Variants in RBFOX1 observed in about 807,000 individuals in gnomAD.
RBFOX1 encodes RNA binding protein fox-1 homolog 1.
RBFOX1 carries 8 observed loss-of-function variants against 57.7 expected under a neutral mutation model. The observed-to-expected ratio is 0.14, with a 90% confidence interval of 0.08 to 0.25. RBFOX1 has a LOEUF of 0.25. Among genes scored for constraint, RBFOX1 ranks in the 10% least tolerant of loss-of-function variants. The pLI, the probability that RBFOX1 is intolerant of heterozygous loss-of-function variation, is 1.00. For missense variants in RBFOX1, 611 were observed against 548.5 expected, an observed-to-expected ratio of 1.11 and a Z score of -1.14; for synonymous variants, 326 against 222.4, an observed-to-expected ratio of 1.47 and a Z score of -4.15.
chr16:6,132,006 C>G (rs2096633382), intron 1 of RBFOX1, among the ~76,000 whole-genome samples: 1 of 152,150 alleles, frequency 6.6e-6, no homozygotes, highest in South Asian at 2.1e-4. Context: ...CTTTAATTAG[C>G]TTTTAGGAGC....
At chr16:5,814,657 G>A (rs899647919) in intron 3 of RBFOX1, among the ~76,000 whole-genome samples, 3 of 152,188 alleles carry the variant, frequency 2.0e-5, no homozygotes, top group Non-Finnish European at 4.4e-5. Flanking sequence ...GGCCGGGCGC[G>A]GTGGCTCACG....
chr16:5,499,470 A>G (rs1251705936), intron 2 of RBFOX1, among the ~76,000 whole-genome samples: 2 of 152,186 alleles, frequency 1.3e-5, no homozygotes, highest in East Asian at 1.9e-4. Flanking sequence ...CACTTGAGAG[A>G]TGGACAAACA....
upstream of RBFOX1, among the ~76,000 whole-genome samples, chr16:6,018,857 T>A (rs146104236): frequency 6.6e-6 from 1 of 151,914 alleles, no homozygotes; most frequent in Non-Finnish European, 1.5e-5. Context: ...CCTGGGCTCA[T>A]TGCCCCAGCA....
chr16:7,218,814 A>G (rs573135330), intron 4 of RBFOX1, among the ~76,000 whole-genome samples: 14 of 152,098 alleles, frequency 9.2e-5, no homozygotes, highest in Non-Finnish European at 1.6e-4. Context: ...GAACCTGTCT[A>G]GAAGTATCAG....
intron 2 of RBFOX1, among the ~76,000 whole-genome samples, chr16:5,594,369 A>T (rs970088859): frequency 4.6e-5 from 7 of 152,220 alleles, no homozygotes; most frequent in Non-Finnish European, 1.0e-4. Flanking sequence ...GGTCTCAGTT[A>T]ATTTAGAAAG....
Position 6,595,584 on chromosome 16 carries a change from A to G in RBFOX1, c.-63-59019A>G, listed in dbSNP as rs76844460. The stretch of plus-strand genomic sequence containing the variant: ...CTCTTGGATATATACCTACAAGTGG[A>G]ATTTCTGGGTCATATGGACTCTATT... On this transcript the variant is annotated intron_variant, in intron 2 of 15. Transcript: ENST00000550418. Among the ~76,000 whole-genome samples, 32 of 152,244 alleles carry G rather than the reference A, an allele frequency of 2.1e-4. No homozygotes were observed. The East Asian group carries it at 6.2e-3, about 29-fold the overall frequency.
intron 4 of RBFOX1, among the ~76,000 whole-genome samples, chr16:7,061,354 G>T (rs1330894869): frequency 6.6e-6 from 1 of 152,122 alleles, no homozygotes; most frequent in African/African-American, 2.4e-5. Flanking sequence ...ATTGATGAAC[G>T]CAAGGAAATC....
chr16:7,263,021 C>G (rs1259023129), intron 4 of RBFOX1, among the ~76,000 whole-genome samples: 1 of 152,184 alleles, frequency 6.6e-6, no homozygotes, highest in Non-Finnish European at 1.5e-5. Flanking sequence ...CAGACTTCTG[C>G]AGCCTCTGCA....
At chr16:5,545,030 G>C (rs895032908) in intron 2 of RBFOX1, among the ~76,000 whole-genome samples, 1 of 129,516 alleles carries the variant, frequency 7.7e-6, no homozygotes, top group African/African-American at 3.0e-5. Context: ...AGGCTGGAGT[G>C]TAGTGGAGCA....
chr16:6,605,019 T>G (rs1399070876), intron 2 of RBFOX1, among the ~76,000 whole-genome samples: 1 of 151,970 alleles, frequency 6.6e-6, no homozygotes, highest in Non-Finnish European at 1.5e-5. Context: ...GTATTTATAG[T>G]GTGTGCATAT....
intron 3 of RBFOX1, among the ~76,000 whole-genome samples, chr16:5,827,610 C>T (rs138832935): frequency 1.3e-5 from 2 of 152,228 alleles, no homozygotes; most frequent in East Asian, 3.9e-4. Context: ...CTCAACTCTA[C>T]TGCAGTGTGA....
At chr16:5,756,294 G>A (rs891246680) in intron 3 of RBFOX1, among the ~76,000 whole-genome samples, 1 of 151,360 alleles carries the variant, frequency 6.6e-6, no homozygotes, top group Admixed American at 6.6e-5. Context: ...AATGCCGTGG[G>A]GTTGTAGTGT....
intron 4 of RBFOX1, among the ~76,000 whole-genome samples, chr16:7,239,253 A>G (rs1033808300): frequency 4.6e-5 from 7 of 152,110 alleles, no homozygotes; most frequent in East Asian, 1.9e-4. Flanking sequence ...AATCCCAGCA[A>G]TTTAGGAGGC....
chr16:6,794,374 A>C (rs1413872721), intron 3 of RBFOX1, among the ~76,000 whole-genome samples: 1 of 150,202 alleles, frequency 6.7e-6, no homozygotes, highest in Non-Finnish European at 1.5e-5. Flanking sequence ...GCTTTCCTTA[A>C]CTACACTCTT....
At chr16:5,997,983 G>A (rs540406226) in intron 4 of RBFOX1, among the ~76,000 whole-genome samples, 4 of 152,292 alleles carry the variant, frequency 2.6e-5, no homozygotes, top group African/African-American at 4.8e-5. Flanking sequence ...AGGAAAAGCC[G>A]TAACATTGGA....
chr16:7,189,554 A>ACAG (rs1567633599), intron 4 of RBFOX1, among the ~76,000 whole-genome samples: 1 of 135,810 alleles, frequency 7.4e-6, no homozygotes, highest in African/African-American at 2.9e-5. Flanking sequence ...TGTCCCCCAA[A>ACAG]ACACACACAC....
chr16:6,710,442 C>T (rs1238975665), intron 3 of RBFOX1, among the ~76,000 whole-genome samples: 1 of 152,062 alleles, frequency 6.6e-6, no homozygotes, highest in African/African-American at 2.4e-5. Context: ...TTTTTTCATC[C>T]TAATTTTTTG....
At chr16:5,906,067 G>T (rs1459392730) in intron 4 of RBFOX1, among the ~76,000 whole-genome samples, 1 of 152,210 alleles carries the variant, frequency 6.6e-6, no homozygotes, top group East Asian at 1.9e-4. Context: ...CGCTGCCCAT[G>T]TGCCCTGCTT....
intron 2 of RBFOX1, among the ~76,000 whole-genome samples, chr16:6,640,945 GC>G (rs2154072768): frequency 6.6e-6 from 1 of 152,218 alleles, no homozygotes; most frequent in Admixed American, 6.5e-5. Context: ...AATGACTGTG[GC>G]AGCCATGCTA....
Sources: allele counts gnomAD v4.1 joint callset (sites outside exome capture counted in the v4.1 genomes callset), GRCh38; gene constraint gnomAD v4.1.1; transcripts MANE v1.5; gene names NCBI Gene and HGNC (gene_info 2026-07-23, HGNC 2026-07-21).